C4orf51: variants seen among roughly 807,000 people sequenced by gnomAD.
C4orf51 encodes the protein chromosome 4 open reading frame 51, also known as uncharacterized protein C4orf51.
C4orf51 carries 25 observed loss-of-function variants against 25.2 expected under a neutral mutation model. That is an observed-to-expected ratio of 0.99 (90% CI 0.72 to 1.39). The LOEUF (loss-of-function observed/expected upper bound fraction) is 1.39, where lower values mean the gene tolerates loss of function less well. Among genes scored for constraint, C4orf51 ranks in the 40% most tolerant of loss-of-function variants. The pLI is 0.00. For missense variants in C4orf51, 252 were observed against 239.6 expected (o/e 1.05, Z -0.34); for synonymous variants, 100 against 84.5 (o/e 1.18, Z -1.01).
At chr4:145,782,360 G>C in the C4orf51 span, among the ~76,000 whole-genome samples, 1 of 152,154 alleles carries the variant, frequency 6.6e-6, no homozygotes, top group African/African-American at 2.4e-5. Flanking sequence ...CAGGAGCTGA[G>C]ATGAGATGAA....
downstream of C4orf51, among the ~76,000 whole-genome samples, chr4:145,754,884 C>T (rs1333737037): frequency 3.9e-5 from 6 of 151,968 alleles, no homozygotes; most frequent in Non-Finnish European, 8.8e-5. Flanking sequence ...TGCAGTGAGC[C>T]GAGATCATGC....
intron 1 of C4orf51, among the ~76,000 whole-genome samples, chr4:145,739,637 G>A (rs974115719): frequency 3.9e-5 from 6 of 152,158 alleles, no homozygotes; most frequent in African/African-American, 1.4e-4. Flanking sequence ...ACTTTTAAAA[G>A]TATAAGGACA....
chr4:145,738,764 C>T (rs889047337), intron 1 of C4orf51, among the ~76,000 whole-genome samples: 21 of 152,118 alleles, frequency 1.4e-4, no homozygotes, highest in African/African-American at 3.6e-4. Context: ...CTCAGCCTCC[C>T]GAGTAGCTGG....
chr4:145,685,702 C>T (rs182815717), intron 1 of C4orf51, among the ~76,000 whole-genome samples: 89 of 152,202 alleles, frequency 5.8e-4, no homozygotes, highest in African/African-American at 1.5e-3. Flanking sequence ...GGTGTGGCGG[C>T]GGGCCGTCTG....
chr4:145,744,377 G>A (rs544522466), intron 1 of C4orf51, among the ~76,000 whole-genome samples: 111 of 152,286 alleles, frequency 7.3e-4, no homozygotes, highest in African/African-American at 2.3e-3. Flanking sequence ...AAAATCATTC[G>A]TGTACACATT....
intron 1 of C4orf51, among the ~76,000 whole-genome samples, chr4:145,769,257 T>C (rs1579100975): frequency 1.4e-5 from 2 of 138,570 alleles, no homozygotes; most frequent in African/African-American, 6.9e-5. Context: ...ACTTCTCTCT[T>C]GGTACAAGAA....
chr4:145,742,532 G>GTTTTT (rs141147414), intron 1 of C4orf51, among the ~76,000 whole-genome samples: 19 of 105,012 alleles, frequency 1.8e-4, no homozygotes, highest in African/African-American at 3.3e-4. Flanking sequence ...TCTTTTTCTT[G>GTTTTT]TTTTTTTTTT....
intron 5 of C4orf51, among the ~76,000 whole-genome samples, chr4:145,731,052 C>G (rs1288558286): frequency 6.6e-6 from 1 of 152,136 alleles, no homozygotes; most frequent in Non-Finnish European, 1.5e-5. Flanking sequence ...GCTGCATGGT[C>G]CCCTGAAAGT....
chr4:145,751,456 C>T (rs1220892985), intron 1 of C4orf51, among the ~76,000 whole-genome samples: 1 of 152,140 alleles, frequency 6.6e-6, no homozygotes, highest in African/African-American at 2.4e-5. Flanking sequence ...CAGGTAAATA[C>T]TTTTGTCTTC....
intron 2 of C4orf51, among the ~76,000 whole-genome samples, chr4:145,719,292 A>T (rs1560844171): frequency 6.6e-6 from 1 of 152,164 alleles, no homozygotes; most frequent in Non-Finnish European, 1.5e-5. Flanking sequence ...GACTTTTAAA[A>T]ATTAAAACAT....
At chr4:145,755,772 G>A (rs1456242138), downstream of C4orf51, among the ~76,000 whole-genome samples, 2 of 152,178 alleles carry the variant, frequency 1.3e-5, no homozygotes, top group African/African-American at 4.8e-5. Context: ...CATTTTGTGT[G>A]GGACTCTTCT....
At chr4:145,745,092 G>A (rs924905414) in intron 1 of C4orf51, among the ~76,000 whole-genome samples, 101 of 152,008 alleles carry the variant, frequency 6.6e-4, no homozygotes, top group African/African-American at 2.4e-3. Context: ...TATTTTAATG[G>A]GTACATAGTA....
chr4:145,774,706 G>A, downstream of C4orf51: 1 of 1,600,138 alleles, frequency 6.2e-7, no homozygotes, highest in Non-Finnish European at 8.5e-7. Context: ...GAGGGGGAGA[G>A]AAAAGGGTGA....
intron 2 of C4orf51, among the ~76,000 whole-genome samples, chr4:145,698,246 A>G (rs1421553985): frequency 2.0e-5 from 3 of 152,188 alleles, no homozygotes; most frequent in Non-Finnish European, 2.9e-5. Flanking sequence ...TAGAAAGTCT[A>G]TTTTGCCAAG....
rs1219090997 is a variant in C4orf51 at position 145,680,186 on chromosome 4, G to A, written c.-18G>A. 1 of 1,571,010 alleles carries A rather than the reference G, an allele frequency of 6.4e-7. No homozygotes were observed. Among genetic ancestry groups the A allele is most frequent in the Non-Finnish European group, 8.8e-7 (1 of 1,141,030 alleles). ...AGAGGACTTGACAAGTTGTTTTCCA[G>A]AGAGGCCGTTCGTAGTTATGTCACA... On this transcript the variant is annotated 5_prime_UTR_variant, in exon 1 of 6. Coordinates refer to ENST00000438731, the MANE Select transcript of C4orf51 (RefSeq NM_001080531.3).
chr4:145,690,099 C>T (rs1273018289), intron 1 of C4orf51, among the ~76,000 whole-genome samples: 5 of 151,672 alleles, frequency 3.3e-5, no homozygotes, highest in African/African-American at 1.2e-4. Flanking sequence ...CCCAGCTACT[C>T]GGGAGGCTGA....
chr4:145,767,409 A>G (rs1356825780), intron 1 of C4orf51, among the ~76,000 whole-genome samples: 1 of 152,184 alleles, frequency 6.6e-6, no homozygotes, highest in Non-Finnish European at 1.5e-5. Flanking sequence ...GAAGCTTAAA[A>G]TAAGTTTAAT....
chr4:145,774,719 C>T, downstream of C4orf51: 1 of 1,586,434 alleles, frequency 6.3e-7, no homozygotes, highest in Non-Finnish European at 8.6e-7. Flanking sequence ...AAGGGTGACA[C>T]ATACTTCTAA....
chr4:145,731,335 A>C (rs1267246164), intron 5 of C4orf51, among the ~76,000 whole-genome samples: 4 of 152,162 alleles, frequency 2.6e-5, no homozygotes, highest in African/African-American at 9.7e-5. Context: ...CCTCCCAGAA[A>C]GGGAATTCTC....
Sources: gnomAD v4.1 joint callset for allele counts (sites outside exome capture counted in the v4.1 genomes callset) on GRCh38, gnomAD v4.1.1 for gene constraint, MANE v1.5 for transcripts, NCBI Gene and HGNC (gene_info 2026-07-23, HGNC 2026-07-21) for gene names.